Variants in CUX2 observed in about 807,000 individuals in gnomAD.
The protein encoded by CUX2 is homeobox protein cut-like 2.
A neutral mutation model predicts 144.8 loss-of-function variants in CUX2; 40 were observed. That is an observed-to-expected ratio of 0.28 (90% CI 0.21 to 0.36). The LOEUF is 0.36. Among genes scored for constraint, CUX2 ranks in the 10% least tolerant of loss-of-function variants. The pLI is 1.00. For missense variants in CUX2, 1,615 were observed against 1,994.0 expected, an observed-to-expected ratio of 0.81 and a Z score of 3.62; for synonymous variants, 827 against 875.6, an observed-to-expected ratio of 0.94 and a Z score of 0.98.
intron 18 of CUX2, among the ~76,000 whole-genome samples, chr12:111,330,090 A>T (rs935755523): frequency 6.6e-6 from 1 of 152,216 alleles, no homozygotes; most frequent in Non-Finnish European, 1.5e-5. Flanking sequence ...TGCCCACGTC[A>T]GCCTTGGCAT....
At chr12:111,141,389 C>G (rs1197507563) in intron 1 of CUX2, among the ~76,000 whole-genome samples, 1 of 152,114 alleles carries the variant, frequency 6.6e-6, no homozygotes, top group Non-Finnish European at 1.5e-5. Flanking sequence ...CTCAGTTTCC[C>G]TACCTGTAAA....
At position 111,295,343 on chromosome 12, in the gene CUX2, G is replaced by T; in HGVS notation, c.571G>T (p.Glu191Ter). Residue 191 changes from glutamate (E) to a stop codon, truncating the protein, a stop_gained, in exon 7 of 22, where the codon GAA becomes TAA. Transcript: ENST00000261726. LOFTEE classifies it high-confidence loss of function. This position sits in a 1 kb window ranked among gnomAD's most constrained non-coding sequence, Gnocchi z 5.0. The stretch of plus-strand genomic sequence containing the variant: ...CTCGTCTCTCCGCAGGGGCCTTCAA[G>T]AAGTACAGATCACTTTGGCGGCCAG... ...NEAEKQKGLQEVQITLAARLG... is the reference protein window; with the variant it reads ...NEAEKQKGLQ 1 of 1,613,060 alleles carries T rather than the reference G, an allele frequency of 6.2e-7. No homozygotes were observed. The highest frequency in any genetic ancestry group is 8.5e-7 in the Non-Finnish European group (1 of 1,179,608).
chr12:111,329,200 T>A (rs1192665099), intron 18 of CUX2, among the ~76,000 whole-genome samples: 1 of 151,146 alleles, frequency 6.6e-6, no homozygotes, highest in Non-Finnish European at 1.5e-5. Flanking sequence ...ATAAGGAAAG[T>A]CGCGGGCAGA....
rs117984150 is a variant in CUX2, at chr12:111,069,868, G to A, written c.63+35628G>A. Among the ~76,000 whole-genome samples, 256 of 152,174 alleles carry A rather than the reference G, an allele frequency of 1.7e-3. 1 individual carries two copies. The highest frequency in any genetic ancestry group is 4.8e-3 in the South Asian group (23 of 4,808). ...GGGTTAGGACTTCAGTTGGGGAGGC[G>A]GGAGTTCAGCTCCTAATAAAAAAGT... On this transcript the variant is annotated intron_variant, in intron 1 of 21. Transcript: ENST00000261726.
chr12:111,124,605 G>T (rs957407726), intron 1 of CUX2, among the ~76,000 whole-genome samples: 1 of 152,076 alleles, frequency 6.6e-6, no homozygotes, highest in Non-Finnish European at 1.5e-5. Context: ...TGGCTGGTTT[G>T]GGGAAAAAGG....
At chr12:111,041,687 G>A (rs918699857) in intron 1 of CUX2, among the ~76,000 whole-genome samples, 5 of 152,230 alleles carry the variant, frequency 3.3e-5, no homozygotes, top group African/African-American at 7.2e-5. Flanking sequence ...AAGGGGAGTG[G>A]AGACCTGGGA....
intron 1 of CUX2, among the ~76,000 whole-genome samples, chr12:111,067,024 C>CT (rs1405434381): frequency 1.3e-5 from 2 of 152,218 alleles, no homozygotes; most frequent in African/African-American, 4.8e-5. Context: ...TGATAACCGA[C>CT]TTGGAGAAGT....
intron 19 of CUX2, among the ~76,000 whole-genome samples, chr12:111,337,398 C>T (rs998211686): frequency 6.6e-6 from 1 of 151,528 alleles, no homozygotes; most frequent in Admixed American, 6.6e-5. Flanking sequence ...ATTTTGTGGG[C>T]ACCCTTCCAC....
Position 111,306,904 on chromosome 12 carries a change from G to T in CUX2, c.859-17G>T. 1 of 1,572,548 alleles carries T rather than the reference G, an allele frequency of 6.4e-7. No individual in the cohort carries two copies. Among genetic ancestry groups the T allele is most frequent in the South Asian group, 1.2e-5 (1 of 85,900 alleles). The stretch of plus-strand genomic sequence containing the variant: ...ATCCCTCACCTCTCAGCCCCTCAAA[G>T]ACCCCTTTGCCTGCAGGATAAGGTG... On this transcript the variant is annotated splice_polypyrimidine_tract_variant and intron_variant, in intron 10 of 21. Transcript: ENST00000261726.
intron 21 of CUX2, among the ~76,000 whole-genome samples, chr12:111,342,840 T>C (rs7306529): frequency 0.29 from 43,928 of 150,492 alleles, 7,571 homozygotes; most frequent in East Asian, 0.69. Flanking sequence ...ATGCCTATAG[T>C]GTCAACTACT....
chr12:111,096,939 T>C (rs941885560), intron 1 of CUX2, among the ~76,000 whole-genome samples: 6 of 151,312 alleles, frequency 4.0e-5, no homozygotes, highest in African/African-American at 1.5e-4. Context: ...ATCACACCAC[T>C]GCACTCCAGC....
chr12:111,150,165 A>T (rs923354778), intron 1 of CUX2, among the ~76,000 whole-genome samples: 1 of 152,206 alleles, frequency 6.6e-6, no homozygotes, highest in Admixed American at 6.5e-5. Context: ...TGCTTGCTTC[A>T]TTACTATTTG....
At position 111,348,048 on chromosome 12, in the gene CUX2, T is replaced by A; in HGVS notation, c.4184T>A (p.Leu1395Gln). 1 of 1,614,124 alleles carries A rather than the reference T, an allele frequency of 6.2e-7. No individual in the cohort carries two copies. The highest frequency in any genetic ancestry group is 1.1e-5 in the South Asian group (1 of 91,086). Residue 1395 changes from leucine to glutamine, a missense_variant, in exon 22 of 22, where the codon CTG becomes CAG. Coordinates refer to ENST00000261726, the MANE Select transcript of CUX2 (RefSeq NM_015267.4). ...ESSRCSLEVSLNSPSAASSPG... is the reference protein window; with the variant it reads ...ESSRCSLEVSQNSPSAASSPG... ...TCACGCTGCAGCCTGGAGGTGTCAC[T>A]GAACTCGCCCTCGGCCGCCTCCTCA...
intron 1 of CUX2, among the ~76,000 whole-genome samples, chr12:111,047,159 C>T (rs867845671): frequency 6.6e-6 from 1 of 152,194 alleles, no homozygotes; most frequent in Non-Finnish European, 1.5e-5. Context: ...AGCCGCGTGG[C>T]GCGCCCTGTC....
rs1037722922 is a variant in CUX2 at position 111,037,897 on chromosome 12, C to T, written c.63+3657C>T. On this transcript the variant is annotated intron_variant, in intron 1 of 21. Transcript: ENST00000261726. This position sits in a 1 kb window ranked among gnomAD's most constrained non-coding sequence, Gnocchi z 5.4. ...GGCACCCAGTCCAAATGAGGGTCCTCGGTCCAAATGCCCATCTGTGTTTCT... is the reference window on the plus strand; with the variant it reads ...GGCACCCAGTCCAAATGAGGGTCCTTGGTCCAAATGCCCATCTGTGTTTCT... 1.1e-4 allele frequency among the ~76,000 whole-genome samples: 16 copies of T among 152,242 alleles called. No homozygotes were observed. The highest frequency in any genetic ancestry group is 6.8e-3 in the Middle Eastern group (2 of 294).
chr12:111,095,703 T>A (rs1459899416), intron 1 of CUX2, among the ~76,000 whole-genome samples: 1 of 152,204 alleles, frequency 6.6e-6, no homozygotes, highest in Non-Finnish European at 1.5e-5. Flanking sequence ...GGTGAAGGAC[T>A]CAGTGTGTGA....
chr12:111,176,039 C>CTTTTTTTTTTT (rs1172563784), intron 1 of CUX2, among the ~76,000 whole-genome samples: 2 of 70,198 alleles, frequency 2.8e-5, no homozygotes, highest in Admixed American at 1.6e-4. Flanking sequence ...TCTTCTTCTT[C>CTTTTTTTTTTT]TTTTTTTTTT....
chr12:111,202,168 C>T (rs1880635672), intron 1 of CUX2, among the ~76,000 whole-genome samples: 3 of 152,166 alleles, frequency 2.0e-5, no homozygotes, highest in Admixed American at 2.0e-4. Flanking sequence ...TTTCCCCTGC[C>T]CCCATTTTGC....
At chr12:111,092,571 G>T (rs1048369046) in intron 1 of CUX2, among the ~76,000 whole-genome samples, 1 of 152,192 alleles carries the variant, frequency 6.6e-6, no homozygotes, top group Non-Finnish European at 1.5e-5. Context: ...GGAGCCGTAA[G>T]CAAAAGTGAC....
Sources: allele counts gnomAD v4.1 joint callset (sites outside exome capture counted in the v4.1 genomes callset), GRCh38; gene constraint gnomAD v4.1.1; non-coding constraint Gnocchi (gnomAD v3.1); transcripts MANE v1.5; gene names NCBI Gene and HGNC (gene_info 2026-07-23, HGNC 2026-07-21).